The following EHMT1 variants were observed in gnomAD, a reference collection of about 807,000 sequenced individuals.
The protein encoded by EHMT1 is euchromatic histone lysine methyltransferase 1.
Under a neutral mutation model 147.2 loss-of-function variants are expected in EHMT1, and 15 were observed. The ratio of observed to expected loss-of-function variants is 0.10; its 90% CI spans 0.07 to 0.16. The LOEUF (loss-of-function observed/expected upper bound fraction) is 0.16, where lower values mean the gene tolerates loss of function less well. Among genes scored for constraint, EHMT1 ranks in the 10% least tolerant of loss-of-function variants. The pLI, the probability that EHMT1 is intolerant of heterozygous loss-of-function variation, is 1.00. For synonymous variants in EHMT1, 795 were observed against 709.6 expected (o/e 1.12, Z -1.91); for missense variants, 1,587 against 1,772.4 (o/e 0.90, Z 1.88).
Position 137,762,694 on chromosome 9 carries a change from T to A in EHMT1, c.1521T>A (p.Asp507Glu). Residue 507 changes from aspartate (D) to glutamate (E), a missense_variant, in exon 10 of 27, where the codon GAT becomes GAA. Asp to Glu is a conservative substitution (Grantham distance 45, BLOSUM62 2). Coordinates refer to ENST00000460843, the MANE Select transcript of EHMT1 (RefSeq NM_024757.5). ...CGTTAGGGTTGGCCAACGGTCCAGA[T>A]GTGCTGGAGACAGACGGCCTCCAGG... ...SQAEGLANGPDVLETDGLQEV... is the reference protein window; with the variant it reads ...SQAEGLANGPEVLETDGLQEV... 6.2e-7 allele frequency: 1 copy of A among 1,614,238 alleles called. No homozygotes were observed. The highest frequency in any genetic ancestry group is 2.2e-5 in the East Asian group (1 of 44,886).
intron 1 of EHMT1, among the ~76,000 whole-genome samples, chr9:137,636,844 A>AG (rs1453356313): frequency 6.7e-6 from 1 of 150,234 alleles, no homozygotes; most frequent in Non-Finnish European, 1.5e-5. Flanking sequence ...GTTGGTCTGT[A>AG]GGTACCTCTT....
intron 1 of EHMT1, among the ~76,000 whole-genome samples, chr9:137,634,147 A>G (rs997158165): frequency 6.6e-6 from 1 of 152,114 alleles, no homozygotes; most frequent in African/African-American, 2.4e-5. Flanking sequence ...CCTTTGAAGC[A>G]CAGATGTTTT....
At chr9:137,622,549 C>A (rs1223112307) in intron 1 of EHMT1, among the ~76,000 whole-genome samples, 1 of 152,150 alleles carries the variant, frequency 6.6e-6, no homozygotes, top group African/African-American at 2.4e-5. Flanking sequence ...CTATGGACTT[C>A]CATTAATGGT....
rs1945391584 is a variant in EHMT1 at position 137,717,041 on chromosome 9, T to C, written c.501T>C (p.Ala167=). 1.2e-6 allele frequency: 2 copies of C among 1,606,770 alleles called. No individual in the cohort carries two copies. Among genetic ancestry groups the C allele is most frequent in the Non-Finnish European group, 1.7e-6 (2 of 1,175,774 alleles). The part of the protein sequence containing the change: ...GGAGKGRTPS[A]FPQTPAAPPA... The stretch of plus-strand genomic sequence containing the variant: ...CTGGCAAAGGCAGGACTCCAAGCGC[T>C]TTTCCCCAGACGCCAGCCGCCCCAC... The change falls in exon 3 of 27, where the codon GCT becomes GCC. Residue 167 remains alanine (A), a synonymous_variant. Coordinates refer to ENST00000460843, the MANE Select transcript of EHMT1 (RefSeq NM_024757.5).
At chr9:137,797,942 G>C (rs1953100118) in intron 16 of EHMT1, among the ~76,000 whole-genome samples, 1 of 152,234 alleles carries the variant, frequency 6.6e-6, no homozygotes, top group Non-Finnish European at 1.5e-5. Flanking sequence ...AGCGGTGTGG[G>C]CGGCACCGGC....
intron 24 of EHMT1, 169 bp downstream of exon 24, chr9:137,817,694 C>T: frequency 2.5e-6 from 2 of 808,618 alleles, no homozygotes; most frequent in Non-Finnish European, 4.0e-6. Context: ...TCGTGCTGTC[C>T]TCAGTCCTCT....
intron 1 of EHMT1, among the ~76,000 whole-genome samples, chr9:137,684,474 A>G (rs935938802): frequency 4.6e-5 from 7 of 151,858 alleles, no homozygotes; most frequent in African/African-American, 1.7e-4. Context: ...CTACAAAGCC[A>G]TTATTTTTTG....
intron 9 of EHMT1, among the ~76,000 whole-genome samples, chr9:137,760,925 T>C (rs1345924023): frequency 1.3e-5 from 2 of 152,214 alleles, no homozygotes; most frequent in Non-Finnish European, 2.9e-5. Flanking sequence ...GGAGAATGGC[T>C]TGAACCTGGG....
At chr9:137,700,148 A>G (rs1413706747) in intron 1 of EHMT1, among the ~76,000 whole-genome samples, 1 of 152,158 alleles carries the variant, frequency 6.6e-6, no homozygotes, top group African/African-American at 2.4e-5. Context: ...TTACCTATAA[A>G]ATACATTTAT....
rs543473402 is a variant in EHMT1 at position 137,729,880 on chromosome 9, C to T, written c.823+1351C>T. 8.5e-5 allele frequency among the ~76,000 whole-genome samples: 13 copies of T among 152,320 alleles called. No homozygotes were observed. The South Asian group carries it at 2.5e-3, about 29-fold the overall frequency. ...CCGGTGAGGAAGTATACCGCGACGC[C>T]GCTCTCTAATCTCAGTGTCCTGTTC... On this transcript the variant is annotated intron_variant, in intron 4 of 26. Transcript: ENST00000460843.
At position 137,818,043 on chromosome 9, in the gene EHMT1, C is replaced by T. The variant is rs1180705340; in HGVS notation, c.3462-17C>T. The T allele has an allele frequency of 6.2e-7, 1 of 1,614,052 alleles. No individual in the cohort carries two copies. The highest frequency in any genetic ancestry group is 8.5e-7 in the Non-Finnish European group (1 of 1,179,960). Reference sequence around the variant, plus strand: ...TCGCTGCCTTCCAGGGCCTCACCTGCACCGCACCCTCTGCAGGTATGTTGG... The same window carrying T: ...TCGCTGCCTTCCAGGGCCTCACCTGTACCGCACCCTCTGCAGGTATGTTGG... On this transcript the variant is annotated splice_polypyrimidine_tract_variant and intron_variant, in intron 24 of 26. Transcript: ENST00000460843.
chr9:137,752,959 G>A (rs144436771), intron 7 of EHMT1, among the ~76,000 whole-genome samples: 5 of 152,294 alleles, frequency 3.3e-5, no homozygotes, highest in East Asian at 1.9e-4. Context: ...GTTCTGCTCC[G>A]TCCCTACTGA....
chr9:137,691,488 G>A (rs1453645884), intron 1 of EHMT1, among the ~76,000 whole-genome samples: 1 of 151,834 alleles, frequency 6.6e-6, no homozygotes, highest in Admixed American at 6.6e-5. Flanking sequence ...GTAATGTTCT[G>A]TTGTATGAAT....
intron 1 of EHMT1, among the ~76,000 whole-genome samples, chr9:137,623,224 A>G (rs1843045345): frequency 6.6e-6 from 1 of 151,732 alleles, no homozygotes. Context: ...AAAAAAAAAA[A>G]AAGAAAAAAA....
chr9:137,834,236 G>A, intron 25 of EHMT1, 113 bp from the exon 26 acceptor site: 9 of 1,383,866 alleles, frequency 6.5e-6, no homozygotes, highest in Non-Finnish European at 8.9e-6. Flanking sequence ...CTCCTGCATG[G>A]CGGGCCTGCG....
chr9:137,683,814 C>T (rs1469267119), intron 1 of EHMT1, among the ~76,000 whole-genome samples: 2 of 152,026 alleles, frequency 1.3e-5, no homozygotes, highest in East Asian at 1.9e-4. Flanking sequence ...TACAATGACA[C>T]GAGTTTATCT....
chr9:137,634,707 CTTTTT>C (rs200814810), intron 1 of EHMT1, among the ~76,000 whole-genome samples: 1 of 123,494 alleles, frequency 8.1e-6, no homozygotes, highest in Non-Finnish European at 1.7e-5. Flanking sequence ...TTTCTTCTTT[CTTTTT>C]TTTTTTTTTT....
In EHMT1 at chr9:137,775,014, CA is replaced by C; in HGVS notation, c.1648-94del. The C allele has an allele frequency of 1.3e-6, 2 of 1,574,286 alleles. No individual in the cohort carries two copies. The highest frequency in any genetic ancestry group is 1.7e-6 in the Non-Finnish European group (2 of 1,147,280). ...GCTCAGTCAGCCCACACCTGCTGAG[CA>C]GCTCTTGTGTGCCTGCACTGCCCAG... is the stretch of plus-strand genomic sequence containing the variant. On this transcript the variant is annotated intron_variant, in intron 10 of 26. Transcript: ENST00000460843. This position sits in a 1 kb window ranked among gnomAD's most constrained non-coding sequence, Gnocchi z 6.1.
chr9:137,692,192 C>T (rs964210356), intron 1 of EHMT1, among the ~76,000 whole-genome samples: 2 of 152,034 alleles, frequency 1.3e-5, no homozygotes, highest in African/African-American at 4.8e-5. Flanking sequence ...TTTACGTGCA[C>T]CTGTGGATCT....
Sources: allele counts gnomAD v4.1 joint callset (sites outside exome capture counted in the v4.1 genomes callset), GRCh38; gene constraint gnomAD v4.1.1; non-coding constraint Gnocchi (gnomAD v3.1); transcripts MANE v1.5; gene names NCBI Gene and HGNC (gene_info 2026-07-23, HGNC 2026-07-21).